The following UCK2 variants were observed in gnomAD, a reference collection of about 807,000 sequenced individuals.
The protein encoded by UCK2 is cytidine monophosphokinase 2.
UCK2 carries 6 observed loss-of-function variants against 30.8 expected under a neutral mutation model. That is an observed-to-expected ratio of 0.19 (90% CI 0.11 to 0.38). UCK2 has a LOEUF of 0.38. Ranked by LOEUF, UCK2 falls within the 10% of genes least tolerant of loss-of-function variation. The pLI, the probability that UCK2 is intolerant of heterozygous loss-of-function variation, is 1.00. For synonymous variants in UCK2, 125 were observed against 133.6 expected (o/e 0.94, Z 0.45); for missense variants, 210 against 339.8 (o/e 0.62, Z 3.00).
intron 1 of UCK2, among the ~76,000 whole-genome samples, chr1:165,869,763 C>A (rs1655150253): frequency 6.8e-6 from 1 of 147,222 alleles, no homozygotes; most frequent in South Asian, 2.2e-4. Context: ...CTCAAGCGAT[C>A]CTCTGCTTCA....
At chr1:165,895,537 C>T in intron 3 of UCK2, 1 of 985,438 alleles carries the variant, frequency 1.0e-6, no homozygotes, top group African/African-American at 1.7e-5. Flanking sequence ...TAAGGAAGAG[C>T]AGCTCTAGGG....
chr1:165,867,634 A>G (rs1311759152), intron 1 of UCK2, among the ~76,000 whole-genome samples: 1 of 152,206 alleles, frequency 6.6e-6, no homozygotes. Flanking sequence ...GTTCATCATA[A>G]GAAACTCCTT....
Position 165,827,694 on chromosome 1 carries a change from G to A in UCK2, c.-140G>A, listed in dbSNP as rs1484424047. The A allele has an allele frequency of 1.5e-6, 1 of 681,212 alleles. No individual in the cohort carries two copies. Among genetic ancestry groups the A allele is most frequent in the Non-Finnish European group, 2.1e-6 (1 of 480,202 alleles). The allele number at this position is 681,212 out of a possible 1,614,324, so 42.2% of individuals were successfully genotyped here. Reference sequence around the variant, plus strand: ...CCAGCCCCGTCACCGGGCTCCGAGCGGCTCGCAGGCGAGCGACAGCGGCCT... The same window carrying A: ...CCAGCCCCGTCACCGGGCTCCGAGCAGCTCGCAGGCGAGCGACAGCGGCCT... On this transcript the variant is annotated 5_prime_UTR_variant, in exon 1 of 7. Coordinates refer to ENST00000367879, the MANE Select transcript of UCK2 (RefSeq NM_012474.5).
At chr1:165,892,894 G>A (rs571129260) in intron 3 of UCK2, 1 of 152,676 alleles carries the variant, frequency 6.5e-6, no homozygotes, top group Non-Finnish European at 1.5e-5. Flanking sequence ...GATCAGCTTG[G>A]TTGGGGCATG....
chr1:165,858,561 A>G (rs552060995), intron 1 of UCK2, among the ~76,000 whole-genome samples: 17 of 152,320 alleles, frequency 1.1e-4, no homozygotes, highest in African/African-American at 4.1e-4. Context: ...GTCATGAAGC[A>G]GAAGTGTCTG....
At chr1:165,864,735 A>C (rs1226278984) in intron 1 of UCK2, among the ~76,000 whole-genome samples, 1 of 152,134 alleles carries the variant, frequency 6.6e-6, no homozygotes, top group Non-Finnish European at 1.5e-5. Context: ...GCTGGAGTTC[A>C]TTGGCATGAT....
At chr1:165,906,905 A>T (rs1647683584) in intron 6 of UCK2, among the ~76,000 whole-genome samples, 1 of 152,378 alleles carries the variant, frequency 6.6e-6, no homozygotes, top group South Asian at 2.1e-4. Flanking sequence ...CATCAGCAGA[A>T]TGCAGTCATT....
At chr1:165,875,368 T>C (rs142768396) in intron 1 of UCK2, among the ~76,000 whole-genome samples, 50 of 152,238 alleles carry the variant, frequency 3.3e-4, no homozygotes, top group African/African-American at 1.2e-3. Flanking sequence ...GAAACCACAT[T>C]TTTCCTTTAC....
intron 1 of UCK2, among the ~76,000 whole-genome samples, chr1:165,866,863 AT>A (rs1376139552): frequency 5.9e-5 from 9 of 152,230 alleles, no homozygotes; most frequent in Non-Finnish European, 1.3e-4. Flanking sequence ...GCTACGTATC[AT>A]TGTATGTATA....
chr1:165,847,594 A>G (rs761229357), intron 1 of UCK2, among the ~76,000 whole-genome samples: 1 of 152,228 alleles, frequency 6.6e-6, no homozygotes, highest in African/African-American at 2.4e-5. Flanking sequence ...CTTTTAGAAG[A>G]TCAGATCAGG....
At position 165,827,755 on chromosome 1, in the gene UCK2, C is replaced by A; in HGVS notation, c.-79C>A. 2.5e-6 allele frequency: 3 copies of A among 1,222,432 alleles called. No homozygotes were observed. The highest frequency in any genetic ancestry group is 2.9e-5 in the South Asian group (1 of 34,514). The allele number at this position is 1,222,432 out of a possible 1,614,324, so 75.7% of individuals were successfully genotyped here. ...AGCGCCCAGCGGCGGCTGCGGAAAG[C>A]GGAGGGAGTCCGACGCGGGCGCGGG... On this transcript the variant is annotated 5_prime_UTR_variant, in exon 1 of 7. Coordinates refer to ENST00000367879, the MANE Select transcript of UCK2 (RefSeq NM_012474.5).
At chr1:165,892,427 A>G (rs1655794534) in intron 3 of UCK2, among the ~76,000 whole-genome samples, 1 of 152,136 alleles carries the variant, frequency 6.6e-6, no homozygotes, top group Non-Finnish European at 1.5e-5. Flanking sequence ...GGGTTCATGG[A>G]AAAGTCCAAG....
At chr1:165,881,392 A>G (rs565592640) in intron 1 of UCK2, among the ~76,000 whole-genome samples, 13 of 152,084 alleles carry the variant, frequency 8.5e-5, no homozygotes, top group Middle Eastern at 3.4e-3. Flanking sequence ...ATCTTGATCA[A>G]TTTCACTGTA....
intron 1 of UCK2, among the ~76,000 whole-genome samples, chr1:165,843,473 A>G (rs1480199853): frequency 4.6e-5 from 7 of 152,210 alleles, no homozygotes; most frequent in Non-Finnish European, 8.8e-5. Context: ...TAAAAAGGAC[A>G]ACTTTTGGCT....
intron 6 of UCK2, among the ~76,000 whole-genome samples, chr1:165,906,580 G>A (rs1054879642): frequency 2.0e-5 from 3 of 152,128 alleles, no homozygotes; most frequent in Non-Finnish European, 2.9e-5. Flanking sequence ...TGTTGCCTAA[G>A]CTGGTCTAAA....
At chr1:165,864,604 G>A (rs1271639725) in intron 1 of UCK2, among the ~76,000 whole-genome samples, 3 of 152,160 alleles carry the variant, frequency 2.0e-5, no homozygotes, top group African/African-American at 4.8e-5. Flanking sequence ...TAAAATGTAT[G>A]TATGGAACTT....
intron 1 of UCK2, among the ~76,000 whole-genome samples, chr1:165,835,558 G>C (rs1172528722): frequency 1.3e-5 from 2 of 151,948 alleles, no homozygotes; most frequent in African/African-American, 2.4e-5. Flanking sequence ...TGAAAAGGAA[G>C]TGATTTCTGA....
chr1:165,857,590 G>A (rs185166015), intron 1 of UCK2, among the ~76,000 whole-genome samples: 7 of 152,244 alleles, frequency 4.6e-5, no homozygotes, highest in Admixed American at 1.3e-4. Context: ...AAGGGGGTGC[G>A]GGCATGTGCT....
intron 3 of UCK2, 133 bp from the exon 4 acceptor site, chr1:165,896,057 T>G: frequency 8.5e-7 from 1 of 1,175,584 alleles, no homozygotes; most frequent in Non-Finnish European, 1.2e-6. Context: ...ATTAGCCAAG[T>G]CTTTAGCCCC....
Sources: gnomAD v4.1 joint callset for allele counts (sites outside exome capture counted in the v4.1 genomes callset) on GRCh38, gnomAD v4.1.1 for gene constraint, MANE v1.5 for transcripts, NCBI Gene and HGNC (gene_info 2026-07-23, HGNC 2026-07-21) for gene names.